STRN3: variants seen among roughly 807,000 people sequenced by gnomAD.
The protein encoded by STRN3 is striatin-3.
A neutral mutation model predicts 95.6 loss-of-function variants in STRN3; 29 were observed. The ratio of observed to expected loss-of-function variants is 0.30; its 90% CI spans 0.23 to 0.41. STRN3 has a LOEUF of 0.41. Ranked by LOEUF, STRN3 falls within the 10% of genes least tolerant of loss-of-function variation. The pLI, the probability that STRN3 is intolerant of heterozygous loss-of-function variation, is 1.00. For synonymous variants in STRN3, 331 were observed against 357.6 expected (o/e 0.93, Z 0.84); for missense variants, 890 against 972.1 (o/e 0.92, Z 1.12).
intron 1 of STRN3, among the ~76,000 whole-genome samples, chr14:30,997,783 G>A (rs956380123): frequency 5.3e-5 from 8 of 152,112 alleles, no homozygotes; most frequent in Non-Finnish European, 8.8e-5. Context: ...TTGCTATTAC[G>A]AGCCTCCTTG....
At chr14:30,919,317 T>G (rs1034568363) in intron 8 of STRN3, among the ~76,000 whole-genome samples, 2 of 151,564 alleles carry the variant, frequency 1.3e-5, no homozygotes, top group Non-Finnish European at 2.9e-5. Flanking sequence ...GAGAGATATA[T>G]ATAAAGATAC....
At chr14:30,970,109 C>T (rs1348226245) in intron 1 of STRN3, among the ~76,000 whole-genome samples, 1 of 152,220 alleles carries the variant, frequency 6.6e-6, no homozygotes, top group Non-Finnish European at 1.5e-5. Flanking sequence ...TGCTAAGCAT[C>T]TAGTTATTAA....
intron 1 of STRN3, among the ~76,000 whole-genome samples, chr14:30,980,412 C>A (rs544480116): frequency 1.3e-5 from 2 of 150,814 alleles, no homozygotes; most frequent in East Asian, 3.9e-4. Flanking sequence ...CTTTTTTTTT[C>A]TTTTTTTTGT....
At chr14:30,896,523 C>T (rs1490323296) in intron 16 of STRN3, among the ~76,000 whole-genome samples, 1 of 108,082 alleles carries the variant, frequency 9.3e-6, no homozygotes, top group Non-Finnish European at 1.7e-5. Flanking sequence ...AAAGGAAAGG[C>T]AAGGAAAATG....
intron 16 of STRN3, among the ~76,000 whole-genome samples, chr14:30,901,633 A>T (rs746604138): frequency 3.9e-5 from 6 of 152,190 alleles, no homozygotes; most frequent in Non-Finnish European, 7.3e-5. Flanking sequence ...TAGCTGTCAG[A>T]CCTTTCCTGA....
chr14:30,927,930 CAAAAAAAAAAAA>C (rs56216107), intron 8 of STRN3, among the ~76,000 whole-genome samples: 1 of 85,108 alleles, frequency 1.2e-5, no homozygotes, highest in Non-Finnish European at 2.3e-5. Flanking sequence ...GAGACTCCGT[CAAAAAAAAAAAA>C]AAAAAAAAAA....
intron 1 of STRN3, among the ~76,000 whole-genome samples, chr14:30,995,049 G>C (rs752921194): frequency 6.6e-6 from 1 of 152,192 alleles, no homozygotes; most frequent in Admixed American, 6.5e-5. Context: ...TTAAGTGCCA[G>C]AGCACTTTCA....
intron 8 of STRN3, among the ~76,000 whole-genome samples, chr14:30,927,454 T>C (rs368766053): frequency 6.6e-6 from 1 of 151,930 alleles, no homozygotes; most frequent in East Asian, 1.9e-4. Flanking sequence ...CAAAAAGATA[T>C]AGGTCTAGTC....
chr14:30,901,627 T>A (rs1896317566), intron 16 of STRN3, among the ~76,000 whole-genome samples: 1 of 152,328 alleles, frequency 6.6e-6, no homozygotes, highest in South Asian at 2.1e-4. Flanking sequence ...CCTTCCTAGC[T>A]GTCAGACCTT....
At chr14:30,972,285 G>A (rs756102879) in intron 1 of STRN3, among the ~76,000 whole-genome samples, 1 of 151,330 alleles carries the variant, frequency 6.6e-6, no homozygotes, top group African/African-American at 2.4e-5. Flanking sequence ...CCTGACCCCC[G>A]CCAAAGCACT....
At chr14:30,951,649 T>C (rs1425188475) in intron 3 of STRN3, among the ~76,000 whole-genome samples, 1 of 152,192 alleles carries the variant, frequency 6.6e-6, no homozygotes, top group Non-Finnish European at 1.5e-5. Context: ...TACATAAAAA[T>C]ATTGAATACC....
chr14:30,916,077 CACT>C (rs1265903391), intron 9 of STRN3, among the ~76,000 whole-genome samples: 3 of 152,132 alleles, frequency 2.0e-5, no homozygotes, highest in African/African-American at 4.8e-5. Context: ...AATTCTTTTA[CACT>C]ACTACCTCTG....
intron 1 of STRN3, among the ~76,000 whole-genome samples, chr14:30,992,059 A>C (rs1390216894): frequency 6.6e-6 from 1 of 151,870 alleles, no homozygotes; most frequent in Admixed American, 6.6e-5. Flanking sequence ...AACAGTAGAG[A>C]TAATAGTATA....
intron 5 of STRN3, among the ~76,000 whole-genome samples, chr14:30,942,588 G>A (rs1178982156): frequency 6.6e-6 from 1 of 152,098 alleles, no homozygotes; most frequent in Non-Finnish European, 1.5e-5. Flanking sequence ...GAGGTTCAAA[G>A]GTAAATAAGA....
intron 1 of STRN3, among the ~76,000 whole-genome samples, chr14:30,988,656 T>C (rs559599857): frequency 1.3e-5 from 2 of 152,330 alleles, no homozygotes; most frequent in South Asian, 4.1e-4. Context: ...CCTCTCACTT[T>C]TCTCTGACAA....
intron 7 of STRN3, among the ~76,000 whole-genome samples, chr14:30,932,603 A>T (rs1220709806): frequency 6.6e-6 from 1 of 152,218 alleles, no homozygotes; most frequent in Non-Finnish European, 1.5e-5. Context: ...TTCCACTTAC[A>T]CAGGAGACAC....
chr14:31,011,923 T>C (rs179721), intron 1 of STRN3, among the ~76,000 whole-genome samples: 96,700 of 151,706 alleles, frequency 0.64, 31,761 homozygotes, highest in Non-Finnish European at 0.73. Flanking sequence ...CTACCAAAAA[T>C]AAAAAAAAAT....
chr14:30,929,969 A>AAAAAAAAC (rs1566441480), intron 7 of STRN3, among the ~76,000 whole-genome samples: 1 of 149,230 alleles, frequency 6.7e-6, no homozygotes, highest in East Asian at 1.9e-4. Context: ...AAAAAAAAAA[A>AAAAAAAAC]AAAAAAAAAA....
In STRN3 at chr14:31,026,332, C is replaced by A; in HGVS notation, c.-147G>T. On this transcript the variant is annotated 5_prime_UTR_variant, in exon 1 of 18. An upstream open reading frame in the 5' UTR loses its in-frame stop. Transcript: ENST00000357479. ...TCGTTGCTGTGTGCCTGCCGTGGGT[C>A]AGAGCAGGGAGCTGCCGGCTGCCGC... 2 of 839,554 alleles carry A rather than the reference C, an allele frequency of 2.4e-6. No individual in the cohort carries two copies. Among genetic ancestry groups the A allele is most frequent in the Non-Finnish European group, 3.3e-6 (2 of 603,790 alleles). The allele number at this position is 839,554 out of a possible 1,614,324, so 52.0% of individuals were successfully genotyped here.
Sources: gnomAD v4.1 joint callset for allele counts (sites outside exome capture counted in the v4.1 genomes callset) on GRCh38, gnomAD v4.1.1 for gene constraint, MANE v1.5 for transcripts, NCBI Gene and HGNC (gene_info 2026-07-23, HGNC 2026-07-21) for gene names.